ALG8: variants seen among roughly 807,000 people sequenced by gnomAD.
ALG8 encodes dolichyl pyrophosphate Glc1Man9GlcNAc2 alpha-1,3-glucosyltransferase.
In ALG8, 48 loss-of-function variants were observed where a neutral mutation model predicts 70.2. The observed-to-expected ratio is 0.68, with a 90% CI of 0.54 to 0.87. ALG8 has a LOEUF of 0.87. ALG8 is among the 40% of genes least tolerant of loss of function. The pLI is 0.00. For synonymous variants in ALG8, 234 were observed against 229.0 expected, an observed-to-expected ratio of 1.02 and a Z score of -0.20; for missense variants, 572 against 608.7, an observed-to-expected ratio of 0.94 and a Z score of 0.64.
chr11:78,134,764 T>C (rs944475971), intron 1 of ALG8, among the ~76,000 whole-genome samples: 3 of 152,238 alleles, frequency 2.0e-5, no homozygotes, highest in Non-Finnish European at 4.4e-5. Context: ...TGAGATATCA[T>C]GCAGCAATTC....
chr11:78,112,667 T>G lies in ALG8; in HGVS notation c.881A>C (p.Lys294Thr), dbSNP rs1482732699. The change falls in exon 8 of 13, where the codon AAA becomes ACA. Residue 294 changes from lysine (K) to threonine (T), a missense_variant. Lys to Thr is a moderately conservative substitution (Grantham distance 78). Coordinates refer to ENST00000299626, the MANE Select transcript of ALG8 (RefSeq NM_024079.5). The part of the protein sequence containing the change: ...NFWALYNALD[K>T]VLSVIGLKLK... ...TACCATACCGATGACAGACAGCACTTTGTCCAAAGCATTGTACAAAGCCCA... is the reference window on the plus strand; with the variant it reads ...TACCATACCGATGACAGACAGCACTGTGTCCAAAGCATTGTACAAAGCCCA... The G allele has an allele frequency of 8.1e-6, 13 of 1,614,026 alleles. No homozygotes were observed. In the South Asian group the frequency reaches 1.4e-4, roughly 18 times the overall value.
chr11:78,117,596 A>G (rs545605997), intron 5 of ALG8, among the ~76,000 whole-genome samples: 3 of 144,574 alleles, frequency 2.1e-5, no homozygotes, highest in South Asian at 4.6e-4. Context: ...AACATAGTGA[A>G]ACCTCCTTCT....
chr11:78,119,428 A>ATT (rs768598740), intron 4 of ALG8, among the ~76,000 whole-genome samples, 179 bp from the exon 5 acceptor site: 25 of 88,688 alleles, frequency 2.8e-4, no homozygotes, highest in East Asian at 3.9e-4. Flanking sequence ...TTTTTTTTTA[A>ATT]TTTTTTTTTT....
chr11:78,135,869 A>AG (rs1555075289), intron 1 of ALG8, among the ~76,000 whole-genome samples: 1 of 150,792 alleles, frequency 6.6e-6, no homozygotes, highest in Non-Finnish European at 1.5e-5. Context: ...AATAAGAAAA[A>AG]AAAAAAAGAA....
chr11:78,101,005 C>T lies in ALG8; in HGVS notation c.1540G>A (p.Val514Ile). 1.2e-6 allele frequency: 2 copies of T among 1,614,178 alleles called. No individual in the cohort carries two copies. The highest frequency in any genetic ancestry group is 1.3e-5 in the African/African-American group (1 of 75,048). The part of the protein sequence containing the change: ...TYAWFKLYVS[V>I]LIDSAIGKTK... ...TTGCCAATAGCAGAGTCAATCAATA[C>T]TGAAACATACAGTTTGAACCAAGCA... is the stretch of plus-strand genomic sequence containing the variant. Residue 514 changes from valine (V) to isoleucine (I), a missense_variant, in exon 13 of 13, where the codon GTA (valine) becomes ATA (isoleucine). Coordinates refer to ENST00000299626, the MANE Select transcript of ALG8 (RefSeq NM_024079.5).
At chr11:78,132,135 G>C (rs1057434208) in intron 1 of ALG8, among the ~76,000 whole-genome samples, 1 of 152,198 alleles carries the variant, frequency 6.6e-6, no homozygotes, top group African/African-American at 2.4e-5. Context: ...CAGTGGCGTA[G>C]AGAAGCAGCT....
chr11:78,121,286 TC>T, intron 3 of ALG8, 112 bp from the exon 4 acceptor site: 47 of 757,744 alleles, frequency 6.2e-5, no homozygotes, highest in South Asian at 3.3e-4. Flanking sequence ...TACATGCCAT[TC>T]TTTTTTTTTT....
intron 1 of ALG8, chr11:78,137,191 T>C (rs61900250): frequency 0.049 from 7,404 of 152,362 alleles, 294 homozygotes; most frequent in East Asian, 0.21. Context: ...TGGCTTCTTT[T>C]CTTAAAAGAA....
At chr11:78,117,421 T>C (rs554321081) in intron 5 of ALG8, among the ~76,000 whole-genome samples, 8 of 152,212 alleles carry the variant, frequency 5.3e-5, no homozygotes, top group South Asian at 2.1e-4. Flanking sequence ...ATAAGATATA[T>C]GTAAGCCAGG....
chr11:78,134,375 T>A (rs1419088909), intron 1 of ALG8, among the ~76,000 whole-genome samples: 1 of 152,056 alleles, frequency 6.6e-6, no homozygotes, highest in African/African-American at 2.4e-5. Context: ...TGACCTCAGG[T>A]GACCCGCCCG....
chr11:78,113,078 G>T (rs1396547031), intron 7 of ALG8, among the ~76,000 whole-genome samples: 2 of 152,186 alleles, frequency 1.3e-5, no homozygotes, highest in Admixed American at 6.5e-5. Flanking sequence ...GTCTACTAGG[G>T]TGAAGGGGAG....
intron 4 of ALG8, among the ~76,000 whole-genome samples, chr11:78,120,826 GTTTTA>G (rs1198973386): frequency 6.6e-6 from 1 of 152,104 alleles, no homozygotes; most frequent in African/African-American, 2.4e-5. Context: ...TCAGTACATT[GTTTTA>G]TTGATGATTT....
At chr11:78,138,656 G>A (rs746935542) in intron 1 of ALG8, 3 of 450,596 alleles carry the variant, frequency 6.7e-6, no homozygotes, top group Non-Finnish European at 1.3e-5. Flanking sequence ...AAAGAAAAAA[G>A]AGGAAGGATG....
At chr11:78,109,199 C>T (rs935282481) in intron 9 of ALG8, among the ~76,000 whole-genome samples, 3 of 152,102 alleles carry the variant, frequency 2.0e-5, no homozygotes, top group Non-Finnish European at 4.4e-5. Flanking sequence ...TCCCTTCCCC[C>T]GGGTGAACAG....
At chr11:78,106,198 T>C (rs1391714256) in intron 10 of ALG8, among the ~76,000 whole-genome samples, 1 of 152,070 alleles carries the variant, frequency 6.6e-6, no homozygotes, top group East Asian at 1.9e-4. Flanking sequence ...GCCCAAGTTT[T>C]TTCTTTTTTT....
intron 1 of ALG8, among the ~76,000 whole-genome samples, chr11:78,130,243 A>G (rs560856031): frequency 6.1e-4 from 89 of 146,254 alleles, no homozygotes; most frequent in African/African-American, 2.2e-3. Flanking sequence ...CAGCTACTCA[A>G]GAGGTTGAGG....
At position 78,113,950 on chromosome 11, in the gene ALG8, A is replaced by T; in HGVS notation, c.713T>A (p.Val238Asp). ...GAAAACAACCAGTCCCAGGGAAATA[A>T]CACGAACAAAGCTGAAACTCTTCCA... ...IRWKSFSFVR[V>D]ISLGLVVFLV... Residue 238 changes from valine to aspartate, a missense_variant, in exon 7 of 13, where the codon GTT becomes GAT. By Grantham distance (152) the Val-to-Asp change is radical. Transcript: ENST00000299626. 6.2e-7 allele frequency: 1 copy of T among 1,608,708 alleles called. No individual in the cohort carries two copies. The highest frequency in any genetic ancestry group is 8.5e-7 in the Non-Finnish European group (1 of 1,177,528).
intron 1 of ALG8, among the ~76,000 whole-genome samples, chr11:78,137,860 G>T (rs1178185860): frequency 6.6e-6 from 1 of 152,186 alleles, no homozygotes; most frequent in Non-Finnish European, 1.5e-5. Context: ...ATGAGCACAT[G>T]ATGTTAGAAA....
At chr11:78,103,871 T>C in intron 12 of ALG8, 109 bp downstream of exon 12, 1 of 606,306 alleles carries the variant, frequency 1.6e-6, no homozygotes, top group Admixed American at 3.2e-5. Context: ...TTTGTAATGT[T>C]GTCATATTAC....
Sources: gnomAD v4.1 joint callset for allele counts (sites outside exome capture counted in the v4.1 genomes callset) on GRCh38, gnomAD v4.1.1 for gene constraint, MANE v1.5 for transcripts, NCBI Gene and HGNC (gene_info 2026-07-23, HGNC 2026-07-21) for gene names.